The following PCMT1 variants were observed in gnomAD, a reference collection of about 807,000 sequenced individuals.
PCMT1 encodes protein-L-isoaspartate(D-aspartate) O-methyltransferase.
In PCMT1, 9 loss-of-function variants were observed where a neutral mutation model predicts 29.2. The ratio of observed to expected loss-of-function variants is 0.31; its 90% CI spans 0.19 to 0.54. PCMT1 has a LOEUF of 0.54. Among genes scored for constraint, PCMT1 ranks in the 20% least tolerant of loss-of-function variants. The probability of loss-of-function intolerance (pLI) is 0.95; values close to 1 mark genes in which losing one functional copy is unlikely to be tolerated. For missense variants in PCMT1, 184 were observed against 282.2 expected (o/e 0.65, Z 2.49); for synonymous variants, 98 against 97.5 (o/e 1.00, Z -0.03).
chr6:149,762,856 C>CTATGATAATCTATGATATA (rs1786864214), intron 1 of PCMT1, among the ~76,000 whole-genome samples: 2 of 46,738 alleles, frequency 4.3e-5, no homozygotes, highest in Admixed American at 4.0e-4. Context: ...TGATATATAT[C>CTATGATAATCTATGATATA]TATGATATAT....
intron 1 of PCMT1, chr6:149,765,837 G>A (rs1233821555): frequency 1.6e-5 from 3 of 182,944 alleles, no homozygotes; most frequent in Non-Finnish European, 2.2e-5. Flanking sequence ...GTGGCGGTGG[G>A]CATCTGTAAT....
Position 149,772,456 on chromosome 6 carries a change from C to A in PCMT1, c.161-682C>A, listed in dbSNP as rs73779556. On this transcript the variant is annotated intron_variant, in intron 2 of 7. Transcript: ENST00000464889. ...TTTAATTTTGCACAGACTTTGTATA[C>A]CTATTACATATGAAAACTTATTTTT... 618 of 393,624 alleles carry A rather than the reference C, an allele frequency of 1.6e-3. 4 individuals carry two copies. The highest frequency in any genetic ancestry group is 0.012 in the African/African-American group (576 of 47,400). 24.4% of individuals were successfully genotyped at this position (393,624 alleles called of 1,614,324 possible).
At chr6:149,802,658 T>A (rs1261840106) in intron 7 of PCMT1, 1 of 276,290 alleles carries the variant, frequency 3.6e-6, no homozygotes, top group African/African-American at 2.2e-5. Context: ...TCAGCTTCAA[T>A]TCAGTACTTT....
At chr6:149,771,858 A>G (rs1401029092) in intron 2 of PCMT1, among the ~76,000 whole-genome samples, 2 of 152,102 alleles carry the variant, frequency 1.3e-5, no homozygotes, top group Non-Finnish European at 2.9e-5. Context: ...GTATTAGCCG[A>G]GTGCTGAGTT....
intron 4 of PCMT1, among the ~76,000 whole-genome samples, chr6:149,791,688 T>C (rs972549215): frequency 2.6e-5 from 4 of 152,222 alleles, no homozygotes; most frequent in African/African-American, 9.6e-5. Flanking sequence ...TAAGGACTCA[T>C]ATTTTCTCAG....
intron 3 of PCMT1, among the ~76,000 whole-genome samples, chr6:149,777,439 C>T (rs550469236): frequency 6.9e-6 from 1 of 144,472 alleles, no homozygotes; most frequent in African/African-American, 2.7e-5. Flanking sequence ...TCTTAACCTC[C>T]ATGTTGTGGA....
At chr6:149,775,732 A>T (rs908370193) in intron 3 of PCMT1, among the ~76,000 whole-genome samples, 3 of 152,186 alleles carry the variant, frequency 2.0e-5, no homozygotes, top group Non-Finnish European at 4.4e-5. Flanking sequence ...ATTGAGGGAA[A>T]TATTGTAATA....
chr6:149,778,804 G>A (rs1383311148), intron 3 of PCMT1, among the ~76,000 whole-genome samples: 1 of 152,078 alleles, frequency 6.6e-6, no homozygotes, highest in Non-Finnish European at 1.5e-5. Flanking sequence ...CTCCCAAAGT[G>A]TTAGCATTAC....
intron 5 of PCMT1, 49 bp downstream of exon 5, chr6:149,793,718 A>G: frequency 4.7e-6 from 7 of 1,482,098 alleles, no homozygotes; most frequent in Non-Finnish European, 6.3e-6. Context: ...TTTTATTTTC[A>G]GAAGATCCAA....
intron 1 of PCMT1, among the ~76,000 whole-genome samples, chr6:149,751,638 C>T (rs1008067749): frequency 1.3e-5 from 2 of 151,750 alleles, no homozygotes; most frequent in African/African-American, 2.4e-5. Context: ...CCTGCCAGCA[C>T]GCCTGGCTAA....
chr6:149,792,936 G>A (rs987754335), intron 4 of PCMT1, among the ~76,000 whole-genome samples: 6 of 152,112 alleles, frequency 3.9e-5, no homozygotes, highest in Non-Finnish European at 8.8e-5. Flanking sequence ...GCCAAGGCGG[G>A]CAGATCACGA....
intron 4 of PCMT1, 95 bp downstream of exon 4, chr6:149,790,153 T>C (rs1788297060): frequency 1.4e-6 from 1 of 732,926 alleles, no homozygotes; most frequent in Non-Finnish European, 2.3e-6. Flanking sequence ...GTTTATTTGT[T>C]TGTTAATTCT....
chr6:149,777,455 G>A (rs1297200972), intron 3 of PCMT1, among the ~76,000 whole-genome samples: 1 of 110,832 alleles, frequency 9.0e-6, no homozygotes. Flanking sequence ...GTGGAGTATT[G>A]TGAAACTGTT....
chr6:149,779,766 C>G (rs544614069), intron 3 of PCMT1, among the ~76,000 whole-genome samples: 14 of 151,670 alleles, frequency 9.2e-5, no homozygotes, highest in African/African-American at 3.1e-4. Flanking sequence ...GAGCCAAGAT[C>G]GCACCACTTC....
chr6:149,793,315 AAGAT>A (rs1414588764), intron 4 of PCMT1, among the ~76,000 whole-genome samples: 2 of 152,200 alleles, frequency 1.3e-5, no homozygotes, highest in African/African-American at 2.4e-5. Context: ...TAATCTAAGA[AAGAT>A]ATAATTTTTC....
At chr6:149,772,985 C>T (rs1787397114) in intron 2 of PCMT1, among the ~76,000 whole-genome samples, 153 bp from the exon 3 acceptor site, 1 of 144,288 alleles carries the variant, frequency 6.9e-6, no homozygotes, top group Non-Finnish European at 1.5e-5. Context: ...CCACTGCACT[C>T]TAGCCTGGGC....
intron 1 of PCMT1, among the ~76,000 whole-genome samples, chr6:149,757,285 T>C (rs2115200531): frequency 6.6e-6 from 1 of 152,350 alleles, no homozygotes. Flanking sequence ...AGATCTGCCA[T>C]CACTGAAGGT....
intron 5 of PCMT1, chr6:149,795,553 G>A (rs1338161924): frequency 8.1e-6 from 4 of 495,232 alleles, no homozygotes; most frequent in Non-Finnish European, 1.5e-5. Context: ...GGATCTGGCC[G>A]AGAACACAAC....
chr6:149,801,565 G>C (rs1240344749), intron 6 of PCMT1, among the ~76,000 whole-genome samples: 3 of 152,044 alleles, frequency 2.0e-5, no homozygotes, highest in Non-Finnish European at 4.4e-5. Flanking sequence ...TCCTGCCTCA[G>C]CCTCCCAAGT....
Sources: gnomAD v4.1 joint callset for allele counts (sites outside exome capture counted in the v4.1 genomes callset) on GRCh38, gnomAD v4.1.1 for gene constraint, MANE v1.5 for transcripts, NCBI Gene and HGNC (gene_info 2026-07-23, HGNC 2026-07-21) for gene names.